The following ESPN variants were observed in gnomAD, a reference collection of about 807,000 sequenced individuals.
ESPN encodes the protein espin, also known as autosomal recessive deafness type 36 protein.
A neutral mutation model predicts 77.7 loss-of-function variants in ESPN; 68 were observed. That is an observed-to-expected ratio of 0.87 (90% confidence interval 0.72 to 1.07). ESPN has a LOEUF of 1.07. Ranked by LOEUF, ESPN falls within the 50% of genes least tolerant of loss-of-function variation. ESPN has a pLI of 0.00. For missense variants in ESPN, 1,060 were observed against 1,239.0 expected, an observed-to-expected ratio of 0.86 and a Z score of 2.17; for synonymous variants, 449 against 567.1, an observed-to-expected ratio of 0.79 and a Z score of 2.96.
In ESPN at chr1:6,444,650, A is replaced by G. The variant is rs1643762955; in HGVS notation, c.1160A>G (p.His387Arg). Residue 387 changes from histidine (H) to arginine (R), a missense_variant, in exon 6 of 13, where the codon CAC becomes CGC. Transcript: ENST00000645284. ...LSNYDSCSSS[H>R]SSIKGQHPPC... is the part of the protein sequence containing the mutation. ...AACTACGACTCCTGCTCCTCCAGCC[A>G]CTCCAGCATCAAGGGCCAGCACCCT... is the stretch of plus-strand genomic sequence containing the variant. The G allele has an allele frequency of 1.2e-6, 2 of 1,613,852 alleles. No individual in the cohort carries two copies. Among genetic ancestry groups the G allele is most frequent in the African/African-American group, 1.3e-5 (1 of 74,902 alleles).
At chr1:6,449,568 C>T (rs771929219) in intron 8 of ESPN, among the ~76,000 whole-genome samples, 1 of 152,186 alleles carries the variant, frequency 6.6e-6, no homozygotes, top group Non-Finnish European at 1.5e-5. Flanking sequence ...CCTCTCTCCA[C>T]GTCTTTCTCT....
downstream of ESPN, chr1:6,461,231 T>C: frequency 1.3e-6 from 1 of 743,690 alleles, no homozygotes; most frequent in Non-Finnish European, 2.4e-6. This position sits in a 1 kb window ranked among gnomAD's most constrained non-coding sequence, Gnocchi z 6.3. Context: ...GAGAAATGTC[T>C]TCACCCCCTC....
In ESPN at chr1:6,445,783, C is replaced by A; in HGVS notation, c.1312C>A (p.Pro438Thr). 1 of 705,418 alleles carries A rather than the reference C, an allele frequency of 1.4e-6. No homozygotes were observed. Among genetic ancestry groups the A allele is most frequent in the East Asian group, 6.4e-5 (1 of 15,696 alleles). 43.7% of individuals were successfully genotyped at this position (705,418 alleles called of 1,614,324 possible). A position where few individuals can be genotyped will look rare whatever the true frequency, so the allele number is the denominator to read the frequency against. The change falls in exon 7 of 13, where the codon CCC becomes ACC. Residue 438 changes from proline to threonine, a missense_variant. Coordinates refer to ENST00000645284, the MANE Select transcript of ESPN (RefSeq NM_031475.3). ...ACCCCCACCACCCCCACCCAGCTTCCCCCCGCCACCCCCGCCCCCAGGCAC... is the reference window on the plus strand; with the variant it reads ...ACCCCCACCACCCCCACCCAGCTTCACCCCGCCACCCCCGCCCCCAGGCAC... ...PTPPPPPPSF[P>T]PPPPPPGTQL...
Position 6,428,461 on chromosome 1 carries a change from C to A in ESPN, c.488+42C>A, listed in dbSNP as rs375866681. The A allele has an allele frequency of 1.9e-6, 3 of 1,549,388 alleles. No homozygotes were observed. Among genetic ancestry groups the A allele is most frequent in the Non-Finnish European group, 2.6e-6 (3 of 1,135,508 alleles). On this transcript the variant is annotated intron_variant, in intron 2 of 12. Coordinates refer to ENST00000645284, the MANE Select transcript of ESPN (RefSeq NM_031475.3). This position sits in a 1 kb window ranked among gnomAD's most constrained non-coding sequence, Gnocchi z 5.4. ...TAAGGGGTCCTCTGGGTGGGCTGGG[C>A]CAGGGCTTTGGGGGATGCCTGGGAT...
At position 6,444,355 on chromosome 1, in the gene ESPN, A is replaced by G. The variant is rs866307766; in HGVS notation, c.991-126A>G. ...GAGACCGTCTAGTGATGGGGAAGAG[A>G]CCCCAGAGAGCGGTGTGGCTTGGCC... On this transcript the variant is annotated intron_variant, in intron 5 of 12. Transcript: ENST00000645284. The G allele has an allele frequency of 2.4e-5, 21 of 881,250 alleles. 1 individual carries two copies. In the South Asian group the frequency reaches 2.8e-4, roughly 12 times the overall value. 54.6% of individuals were successfully genotyped at this position (881,250 alleles called of 1,614,324 possible). A position where few individuals can be genotyped will look rare whatever the true frequency, so the allele number is the denominator to read the frequency against.
At chr1:6,455,428 C>T (rs1345031933) in intron 10 of ESPN, 4 of 394,614 alleles carry the variant, frequency 1.0e-5, no homozygotes, top group Non-Finnish European at 9.0e-6. Context: ...CCCCGGCTGC[C>T]GGCGAGCAAC....
Position 6,451,672 on chromosome 1 carries a change from G to GC in ESPN, c.1986dup (p.Lys663GlnfsTer83), listed in dbSNP as rs1319285750. 2 of 1,613,182 alleles carry GC rather than the reference G, an allele frequency of 1.2e-6. No individual in the cohort carries two copies. The highest frequency in any genetic ancestry group is 3.3e-5 in the Admixed American group (2 of 59,982). On this transcript the variant is annotated frameshift_variant, in exon 9 of 13. Coordinates refer to ENST00000645284, the MANE Select transcript of ESPN (RefSeq NM_031475.3). LOFTEE classifies it high-confidence loss of function. This position sits in a 1 kb window ranked among gnomAD's most constrained non-coding sequence, Gnocchi z 4.3. The stretch of plus-strand genomic sequence containing the variant: ...GAGCTACTGGCTGAGATTAAGGCAG[G>GC]CAAGAGCCTGAAGCCGACGCCCCAG...
intron 12 of ESPN, among the ~76,000 whole-genome samples, chr1:6,459,094 AG>A (rs1470552781): frequency 6.6e-6 from 1 of 152,052 alleles, no homozygotes; most frequent in African/African-American, 2.4e-5. Flanking sequence ...TACAAAAATT[AG>A]CTGGGCATGG....
intron 5 of ESPN, among the ~76,000 whole-genome samples, chr1:6,441,476 T>TA (rs1643635026): frequency 6.6e-6 from 1 of 152,128 alleles, no homozygotes; most frequent in Non-Finnish European, 1.5e-5. Context: ...CAGTAACTGT[T>TA]AGAGTGGAGA....
At chr1:6,430,299 G>A (rs1390666439) in intron 2 of ESPN, among the ~76,000 whole-genome samples, 2 of 152,226 alleles carry the variant, frequency 1.3e-5, no homozygotes, top group African/African-American at 4.8e-5. Context: ...AAGGGCTCCC[G>A]GACCTGCTGG....
In ESPN at chr1:6,451,715, A is replaced by G. The variant is rs1406195080; in HGVS notation, c.2028A>G (p.Thr676=). ...CGCCCCAGAGCAAGGGGCTGACCAC[A>G]GTGTTCTCAGGCATCGGGCAGCCGG... ...KPTPQSKGLT[T]VFSGIGQPAF... The change falls in exon 9 of 13, where the codon ACA becomes ACG. Residue 676 remains threonine, a synonymous_variant. Coordinates refer to ENST00000645284, the MANE Select transcript of ESPN (RefSeq NM_031475.3). This position sits in a 1 kb window ranked among gnomAD's most constrained non-coding sequence, Gnocchi z 4.3. 1 of 1,612,902 alleles carries G rather than the reference A, an allele frequency of 6.2e-7. No homozygotes were observed. Among genetic ancestry groups the G allele is most frequent in the Non-Finnish European group, 8.5e-7 (1 of 1,179,880 alleles).
rs181216385 is a variant in ESPN, at chr1:6,435,616, G to A, written c.489-4638G>A. Among the ~76,000 whole-genome samples the A allele has an allele frequency of 3.3e-5, 5 of 152,348 alleles. No homozygotes were observed. In the East Asian group the frequency reaches 9.6e-4, roughly 29 times the overall value. On this transcript the variant is annotated intron_variant, in intron 2 of 12. Transcript: ENST00000645284. The stretch of plus-strand genomic sequence containing the variant: ...GGTCTGGGAGCACTTTTCTGCAGCT[G>A]TCACTGTGGTCGGGGCTAGAGCTGG...
chr1:6,452,575 C>T lies in ESPN; in HGVS notation c.2325+479C>T, dbSNP rs111337904. ...CAGCCTTTCTCAGACTCTCCTTCAC[C>T]GGCCCAGCACCTGGGATCTGGTTAA... On this transcript the variant is annotated intron_variant, in intron 10 of 12. Transcript: ENST00000645284. Among the ~76,000 whole-genome samples, 583 of 152,306 alleles carry T rather than the reference C, an allele frequency of 3.8e-3. 3 individuals are homozygous for T. The highest frequency in any genetic ancestry group is 0.013 in the African/African-American group (557 of 41,560).
chr1:6,446,042 C>G (rs1348350685), intron 7 of ESPN, 107 bp downstream of exon 7: 2 of 1,168,072 alleles, frequency 1.7e-6, no homozygotes, highest in African/African-American at 3.1e-5. Context: ...GTGGGGATCC[C>G]TGGGTCCATG....
At chr1:6,434,805 G>A (rs1267976493) in intron 2 of ESPN, among the ~76,000 whole-genome samples, 1 of 152,212 alleles carries the variant, frequency 6.6e-6, no homozygotes, top group Non-Finnish European at 1.5e-5. Flanking sequence ...CAGTTTGGTA[G>A]GAAGCGATGG....
intron 2 of ESPN, among the ~76,000 whole-genome samples, chr1:6,435,271 C>T (rs747179438): frequency 6.6e-6 from 1 of 152,134 alleles, no homozygotes; most frequent in Non-Finnish European, 1.5e-5. Context: ...TGGCCTCCCT[C>T]TGGGGAGGCA....
At chr1:6,434,379 T>C (rs1643357837) in intron 2 of ESPN, among the ~76,000 whole-genome samples, 1 of 152,190 alleles carries the variant, frequency 6.6e-6, no homozygotes, top group African/African-American at 2.4e-5. Context: ...ATCCCATCTG[T>C]CCCTGACTAA....
At chr1:6,456,308 G>T in intron 10 of ESPN, 1 of 388,022 alleles carries the variant, frequency 2.6e-6, no homozygotes, top group Non-Finnish European at 4.6e-6. Flanking sequence ...CAGGACTGTG[G>T]CCTTGAGCAG....
In ESPN at chr1:6,460,422, T is replaced by C. The variant is rs1042396874; in HGVS notation, c.*276T>C. On this transcript the variant is annotated 3_prime_UTR_variant, in exon 13 of 13. Transcript: ENST00000645284. ...GCATGCCGACTTACATATATTTGCATGTTCGTTGACTATCAAAGAGTGCAG... is the reference window on the plus strand; with the variant it reads ...GCATGCCGACTTACATATATTTGCACGTTCGTTGACTATCAAAGAGTGCAG... 22 of 454,302 alleles carry C rather than the reference T, an allele frequency of 4.8e-5. No individual in the cohort carries two copies. Among genetic ancestry groups the C allele is most frequent in the Non-Finnish European group, 7.6e-5 (19 of 249,132 alleles). 28.1% of individuals were successfully genotyped at this position (454,302 alleles called of 1,614,324 possible). A position where few individuals can be genotyped will look rare whatever the true frequency, so the allele number is the denominator to read the frequency against.
Sources: allele counts gnomAD v4.1 joint callset (sites outside exome capture counted in the v4.1 genomes callset), GRCh38; gene constraint gnomAD v4.1.1; non-coding constraint Gnocchi (gnomAD v3.1); transcripts MANE v1.5; gene names NCBI Gene and HGNC (gene_info 2026-07-23, HGNC 2026-07-21).